Variants in PDE10A observed in about 807,000 individuals in gnomAD.
PDE10A encodes phosphodiesterase 10A.
In PDE10A, 39 loss-of-function variants were observed where a neutral mutation model predicts 97.7. The observed-to-expected ratio is 0.40, with a 90% confidence interval of 0.31 to 0.52. The LOEUF is 0.52. Ranked by LOEUF, PDE10A falls within the 20% of genes least tolerant of loss-of-function variation. The probability of loss-of-function intolerance (pLI) is 0.56; values close to 1 mark genes in which losing one functional copy is unlikely to be tolerated. For missense variants in PDE10A, 731 were observed against 1,047.8 expected (o/e 0.70, Z 4.17); for synonymous variants, 371 against 376.8 (o/e 0.98, Z 0.18).
rs143809881 is a variant in PDE10A at position 165,778,232 on chromosome 6, G to A, written c.-615+209297C>T. On this transcript the variant is annotated intron_variant, in intron 1 of 19. Transcript: ENST00000366882. ...ACTACAGGTGCCCACCATCACGCCC[G>A]GCTAATTTTTTGTATTTTTAGTAGA... Among the ~76,000 whole-genome samples, 1,015 of 152,020 alleles carry A rather than the reference G, an allele frequency of 6.7e-3. 7 individuals carry two copies. Among genetic ancestry groups the A allele is most frequent in the African/African-American group, 0.023 (970 of 41,476 alleles).
chr6:165,488,943 A>T (rs1198601520), intron 2 of PDE10A, among the ~76,000 whole-genome samples: 2 of 152,176 alleles, frequency 1.3e-5, no homozygotes, highest in Non-Finnish European at 2.9e-5. Context: ...GTCTGAGATC[A>T]GACATGCCCA....
At chr6:165,567,993 C>CCTT (rs370865492) in intron 1 of PDE10A, among the ~76,000 whole-genome samples, 6,511 of 114,738 alleles carry the variant, frequency 0.057, 559 homozygotes, top group Middle Eastern at 0.075. Context: ...CGCAACAAGG[C>CCTT]ATTTTTTTTT....
intron 1 of PDE10A, among the ~76,000 whole-genome samples, chr6:165,962,943 G>A (rs1417374925): frequency 3.9e-5 from 6 of 152,154 alleles, no homozygotes; most frequent in Admixed American, 6.5e-5. Context: ...ATGAGTTAAC[G>A]TATGAAGCAA....
At chr6:165,791,664 G>A (rs1375145278) in intron 1 of PDE10A, among the ~76,000 whole-genome samples, 2 of 152,152 alleles carry the variant, frequency 1.3e-5, no homozygotes, top group African/African-American at 2.4e-5. Context: ...GAAGATCAGC[G>A]CAGTCTCACA....
chr6:165,418,604 A>C lies in PDE10A; in HGVS notation c.1796+31T>G. ...ACGGAACGCCTGCACATCTACCGTAAGAGGATAGGACATTCTACTTCTAGC... is the reference window on the plus strand; with the variant it reads ...ACGGAACGCCTGCACATCTACCGTACGAGGATAGGACATTCTACTTCTAGC... On this transcript the variant is annotated intron_variant, in intron 11 of 21. Transcript: ENST00000539869. This position sits in a 1 kb window ranked among gnomAD's most constrained non-coding sequence, Gnocchi z 4.8. The C allele has an allele frequency of 6.2e-7, 1 of 1,603,236 alleles. No homozygotes were observed. Among genetic ancestry groups the C allele is most frequent in the East Asian group, 2.2e-5 (1 of 44,814 alleles).
chr6:165,579,077 C>T (rs1345593557), intron 1 of PDE10A, among the ~76,000 whole-genome samples: 4 of 152,154 alleles, frequency 2.6e-5, no homozygotes, highest in Non-Finnish European at 5.9e-5. Flanking sequence ...AAGGATCAAC[C>T]TTTTAGGGAA....
chr6:165,729,565 C>T (rs868203258), intron 1 of PDE10A, among the ~76,000 whole-genome samples: 5 of 152,282 alleles, frequency 3.3e-5, no homozygotes, highest in African/African-American at 1.2e-4. Context: ...CGGGCCCCAA[C>T]CACAGGGATC....
chr6:165,635,368 A>AT, intron 1 of PDE10A, among the ~76,000 whole-genome samples: 1 of 152,298 alleles, frequency 6.6e-6, no homozygotes, highest in East Asian at 1.9e-4. Flanking sequence ...AGTGGTTATT[A>AT]TTTTTCATTT....
At position 165,451,036 on chromosome 6, in the gene PDE10A, G is replaced by A. The variant is rs564311938; in HGVS notation, c.1024-674C>T. Reference sequence around the variant, plus strand: ...TGAGTGCACCTCTGTAAGATGCTAGGAAAGTCTGCTGCAGTCGCTGCACTG... The same window carrying A: ...TGAGTGCACCTCTGTAAGATGCTAGAAAAGTCTGCTGCAGTCGCTGCACTG... On this transcript the variant is annotated intron_variant, in intron 3 of 21. Transcript: ENST00000539869. Among the ~76,000 whole-genome samples the A allele has an allele frequency of 1.1e-4, 17 of 152,272 alleles. No homozygotes were observed. In the East Asian group the frequency reaches 3.3e-3, roughly 29 times the overall value.
intron 1 of PDE10A, among the ~76,000 whole-genome samples, chr6:165,633,977 G>A (rs1346187655): frequency 1.3e-5 from 2 of 152,060 alleles, no homozygotes; most frequent in Non-Finnish European, 2.9e-5. Flanking sequence ...TGCTATTTAA[G>A]AAAGTCCTAT....
rs1779503603 is a variant in PDE10A, at chr6:165,819,324, T to G, written c.-615+168205A>C. ...ACTTCTACCTCTTAAGTATTTCTCCTTTCTTTAAAATCCCCACTTCCCCTG... is the reference window on the plus strand; with the variant it reads ...ACTTCTACCTCTTAAGTATTTCTCCGTTCTTTAAAATCCCCACTTCCCCTG... On this transcript the variant is annotated intron_variant, in intron 1 of 19. Transcript: ENST00000366882. This position sits in a 1 kb window ranked among gnomAD's most constrained non-coding sequence, Gnocchi z 4.2. Among the ~76,000 whole-genome samples the G allele has an allele frequency of 6.6e-6, 1 of 152,210 alleles. No individual in the cohort carries two copies. The highest frequency in any genetic ancestry group is 2.4e-5 in the African/African-American group (1 of 41,430).
At chr6:165,376,060 C>A (rs1220423332) in intron 18 of PDE10A, among the ~76,000 whole-genome samples, 2 of 152,176 alleles carry the variant, frequency 1.3e-5, no homozygotes, top group African/African-American at 4.8e-5. Context: ...GCTAATGGAT[C>A]AAAATGTAAC....
At chr6:165,603,260 C>A (rs778198552) in intron 1 of PDE10A, among the ~76,000 whole-genome samples, 4 of 152,152 alleles carry the variant, frequency 2.6e-5, no homozygotes, top group African/African-American at 9.7e-5. Flanking sequence ...CTGCAAGAGA[C>A]GTCTGCAGTT....
intron 3 of PDE10A, 70 bp downstream of exon 3, chr6:165,482,245 T>G (rs1779647165): frequency 9.9e-7 from 1 of 1,007,664 alleles, no homozygotes; most frequent in African/African-American, 1.6e-5. Flanking sequence ...TGTGTTAGAG[T>G]ACTGAGAGAT....
chr6:165,967,899 AGCACTCCCCAAAACT>A (rs944627872), intron 1 of PDE10A, among the ~76,000 whole-genome samples: 1 of 152,222 alleles, frequency 6.6e-6, no homozygotes, highest in Non-Finnish European at 1.5e-5. Context: ...GTTTCACAAT[AGCACTCCCCAAAACT>A]GCACTCTGCT....
chr6:165,906,021 CTCCCTTCCTTCCTTCCTTCCTTCCT>C (rs1562791977), intron 1 of PDE10A, among the ~76,000 whole-genome samples: 4 of 25,124 alleles, frequency 1.6e-4, no homozygotes, highest in Admixed American at 4.6e-4. Flanking sequence ...CCTTCCCTCC[CTCCCTTCCTTCCTTCCTTCCTTCCT>C]TCCCTCCCTC....
chr6:165,449,035 T>C, intron 4 of PDE10A, 58 bp from the exon 5 acceptor site: 1 of 1,219,462 alleles, frequency 8.2e-7, no homozygotes, highest in South Asian at 1.2e-5. Flanking sequence ...CTAACATGTA[T>C]GCATCCTCCA....
At chr6:165,627,612 G>C (rs920293037) in intron 1 of PDE10A, among the ~76,000 whole-genome samples, 1 of 152,208 alleles carries the variant, frequency 6.6e-6, no homozygotes, top group African/African-American at 2.4e-5. Flanking sequence ...AACAGCCTGG[G>C]AAGTGGGAGT....
chr6:165,745,429 T>C (rs1792821717), intron 1 of PDE10A, among the ~76,000 whole-genome samples: 2 of 152,224 alleles, frequency 1.3e-5, no homozygotes, highest in Non-Finnish European at 2.9e-5. Context: ...CTCTGATTAT[T>C]AGAAAACTAT....
Sources: gnomAD v4.1 joint callset for allele counts (sites outside exome capture counted in the v4.1 genomes callset) on GRCh38, gnomAD v4.1.1 for gene constraint, Gnocchi (gnomAD v3.1) non-coding constraint, MANE v1.5 for transcripts, NCBI Gene and HGNC (gene_info 2026-07-23, HGNC 2026-07-21) for gene names.